Variants in DTD1 observed in about 807,000 individuals in gnomAD.
The protein encoded by DTD1 is D-tyrosyl-tRNA deacylase 1 homolog.
In DTD1, 13 loss-of-function variants were observed where a neutral mutation model predicts 25.6. The ratio of observed to expected loss-of-function variants is 0.51; its 90% CI spans 0.33 to 0.81. The LOEUF (loss-of-function observed/expected upper bound fraction) is 0.81. Among genes scored for constraint, DTD1 ranks in the 30% least tolerant of loss-of-function variants. The pLI is 0.02. For missense variants in DTD1, 193 were observed against 266.4 expected (o/e 0.72, Z 1.92); for synonymous variants, 110 against 103.6 (o/e 1.06, Z -0.37).
intron 4 of DTD1, among the ~76,000 whole-genome samples, chr20:18,679,420 G>A (rs1168866261): frequency 6.6e-6 from 1 of 152,214 alleles, no homozygotes; most frequent in African/African-American, 2.4e-5. Flanking sequence ...TGCCACTAGT[G>A]TCTTTAATTT....
At chr20:18,693,449 G>A (rs866277849) in intron 4 of DTD1, among the ~76,000 whole-genome samples, 59 of 151,974 alleles carry the variant, frequency 3.9e-4, no homozygotes, top group Middle Eastern at 6.8e-3. Context: ...CTGAGGTCAG[G>A]AATTCGAGGC....
At chr20:18,646,294 C>T (rs1600341370) in intron 4 of DTD1, among the ~76,000 whole-genome samples, 1 of 152,226 alleles carries the variant, frequency 6.6e-6, no homozygotes, top group Non-Finnish European at 1.5e-5. Context: ...GAAAGGGGCT[C>T]TCCTTGTGCA....
At chr20:18,723,228 T>C in intron 4 of DTD1, among the ~76,000 whole-genome samples, 1 of 152,076 alleles carries the variant, frequency 6.6e-6, no homozygotes, top group East Asian at 1.9e-4. Flanking sequence ...ACCAAAAATA[T>C]CTCCAGAGAC....
At chr20:18,761,194 ATGCCTCGCCC>A (rs1192387234) in intron 5 of DTD1, among the ~76,000 whole-genome samples, 6 of 152,014 alleles carry the variant, frequency 3.9e-5, no homozygotes, top group Non-Finnish European at 7.4e-5. Context: ...GGGCGAGGCG[ATGCCTCGCCC>A]TGCTCGGTGT....
At chr20:18,664,756 G>A (rs1335891033) in intron 4 of DTD1, among the ~76,000 whole-genome samples, 1 of 152,340 alleles carries the variant, frequency 6.6e-6, no homozygotes, top group South Asian at 2.1e-4. Flanking sequence ...TCTGGCAGAA[G>A]TGTGGGGTGT....
chr20:18,696,379 G>T (rs1185665362), intron 4 of DTD1, among the ~76,000 whole-genome samples: 1 of 152,100 alleles, frequency 6.6e-6, no homozygotes, highest in Non-Finnish European at 1.5e-5. Flanking sequence ...GTCTTTCTCG[G>T]TCTCAGGTGG....
At chr20:18,763,200 G>A (rs2061369532) in intron 5 of DTD1, among the ~76,000 whole-genome samples, 160 bp from the exon 6 acceptor site, 1 of 152,156 alleles carries the variant, frequency 6.6e-6, no homozygotes, top group Non-Finnish European at 1.5e-5. Flanking sequence ...TGGCAACATG[G>A]CAGGTTTTTC....
At chr20:18,646,242 T>C (rs1421683285) in intron 4 of DTD1, among the ~76,000 whole-genome samples, 1 of 152,204 alleles carries the variant, frequency 6.6e-6, no homozygotes, top group African/African-American at 2.4e-5. Context: ...TGTAGGTGGC[T>C]GAAATGCCCA....
intron 4 of DTD1, among the ~76,000 whole-genome samples, chr20:18,722,608 A>G (rs1282877246): frequency 1.3e-5 from 2 of 152,194 alleles, no homozygotes; most frequent in African/African-American, 2.4e-5. Context: ...ACTTGCATCA[A>G]TTTTATGACT....
intron 5 of DTD1, among the ~76,000 whole-genome samples, chr20:18,758,399 G>A (rs2061347867): frequency 6.6e-6 from 1 of 152,068 alleles, no homozygotes; most frequent in African/African-American, 2.4e-5. Context: ...GCTTTGTCTT[G>A]TGGGCATTTA....
At chr20:18,698,290 C>CT (rs2061087717) in intron 4 of DTD1, among the ~76,000 whole-genome samples, 1 of 152,192 alleles carries the variant, frequency 6.6e-6, no homozygotes, top group Admixed American at 6.5e-5. Context: ...TGTCGAACCC[C>CT]TATGTGTCCA....
intron 4 of DTD1, among the ~76,000 whole-genome samples, chr20:18,677,671 T>G (rs1387649007): frequency 6.6e-6 from 1 of 152,028 alleles, no homozygotes; most frequent in African/African-American, 2.4e-5. Context: ...TTTATTAAAT[T>G]CCCCCCACAC....
At position 18,764,837 on chromosome 20, in the gene DTD1, A is replaced by G. The variant is rs931670844; in HGVS notation, c.*1497A>G. ...TTGAGTTATCTAAGCAGGGTTTTAC[A>G]GAGTGAATTCAAATTCACTTTAAAG... On this transcript the variant is annotated 3_prime_UTR_variant, in exon 6 of 6. Coordinates refer to ENST00000377452, the MANE Select transcript of DTD1 (RefSeq NM_080820.6). The G allele has an allele frequency of 6.6e-6, 1 of 152,238 alleles. No individual in the cohort carries two copies. The highest frequency in any genetic ancestry group is 2.4e-5 in the African/African-American group (1 of 41,460). 9.4% of individuals were successfully genotyped at this position (152,238 alleles called of 1,614,324 possible).
At chr20:18,732,503 G>C (rs1474964984) in intron 4 of DTD1, among the ~76,000 whole-genome samples, 1 of 152,164 alleles carries the variant, frequency 6.6e-6, no homozygotes, top group Non-Finnish European at 1.5e-5. Context: ...TGGGGGGCAT[G>C]GCCAGTGCAT....
intron 3 of DTD1, among the ~76,000 whole-genome samples, chr20:18,621,068 T>C (rs891257207): frequency 6.6e-6 from 1 of 152,202 alleles, no homozygotes; most frequent in African/African-American, 2.4e-5. Context: ...TTGCCAGTTG[T>C]CCCACTAATA....
chr20:18,718,337 C>T (rs554007220), intron 4 of DTD1, among the ~76,000 whole-genome samples: 13 of 152,264 alleles, frequency 8.5e-5, no homozygotes, highest in South Asian at 4.1e-4. Flanking sequence ...CAGGTGGCAG[C>T]GACCTTCAAG....
chr20:18,724,081 T>TAAGCC (rs2061215062), intron 4 of DTD1, among the ~76,000 whole-genome samples: 3 of 152,202 alleles, frequency 2.0e-5, no homozygotes, highest in Non-Finnish European at 1.5e-5. Context: ...TTTAAGACTT[T>TAAGCC]CCTGGAAGCC....
intron 3 of DTD1, among the ~76,000 whole-genome samples, chr20:18,600,836 T>A (rs960188095): frequency 2.6e-5 from 4 of 152,178 alleles, no homozygotes; most frequent in Admixed American, 1.3e-4. Flanking sequence ...TATACCTAAG[T>A]GTTTCATTCT....
chr20:18,686,904 C>T (rs750477648), intron 4 of DTD1, among the ~76,000 whole-genome samples: 2 of 152,178 alleles, frequency 1.3e-5, no homozygotes, highest in Non-Finnish European at 2.9e-5. Flanking sequence ...TGCAGACTCA[C>T]TCAGGCCTTC....
Sources: allele counts gnomAD v4.1 joint callset (sites outside exome capture counted in the v4.1 genomes callset), GRCh38; gene constraint gnomAD v4.1.1; transcripts MANE v1.5; gene names NCBI Gene and HGNC (gene_info 2026-07-23, HGNC 2026-07-21).